Variants in LPAR1 observed in about 807,000 individuals in gnomAD.
LPAR1 encodes LPA receptor 1.
In LPAR1, 5 loss-of-function variants were observed where a neutral mutation model predicts 23.8. That is an observed-to-expected ratio of 0.21 (90% CI 0.11 to 0.44). LPAR1 has a LOEUF of 0.44. Among genes scored for constraint, LPAR1 ranks in the 20% least tolerant of loss-of-function variants. The pLI, the probability that LPAR1 is intolerant of heterozygous loss-of-function variation, is 0.99. For missense variants in LPAR1, 311 were observed against 482.8 expected, an observed-to-expected ratio of 0.64 and a Z score of 3.33; for synonymous variants, 160 against 164.7, an observed-to-expected ratio of 0.97 and a Z score of 0.22.
intron 4 of LPAR1, among the ~76,000 whole-genome samples, chr9:110,967,667 A>T (rs2096269232): frequency 6.6e-6 from 1 of 152,224 alleles, no homozygotes; most frequent in African/African-American, 2.4e-5. Context: ...GCTGCTTATT[A>T]TGCTTGCCTA....
chr9:110,892,753 AGGAAG>A (rs1178649797), intron 5 of LPAR1, among the ~76,000 whole-genome samples: 2 of 138,364 alleles, frequency 1.4e-5, no homozygotes, highest in African/African-American at 5.4e-5. Flanking sequence ...AGAGGGAGGG[AGGAAG>A]GGGAGGAAGG....
At chr9:111,001,111 C>G (rs1683221231) in intron 2 of LPAR1, among the ~76,000 whole-genome samples, 2 of 152,138 alleles carry the variant, frequency 1.3e-5, no homozygotes, top group South Asian at 2.1e-4. Context: ...TCAGGAATAA[C>G]AAGAATCTCA....
chr9:110,890,362 A>T (rs1564378204), intron 5 of LPAR1, among the ~76,000 whole-genome samples: 2 of 152,230 alleles, frequency 1.3e-5, no homozygotes, highest in African/African-American at 4.8e-5. Context: ...TTATCAAACC[A>T]CTAAGGAACA....
chr9:110,995,154 T>A (rs2096972210), intron 2 of LPAR1, among the ~76,000 whole-genome samples: 1 of 152,162 alleles, frequency 6.6e-6, no homozygotes, highest in Admixed American at 6.5e-5. Flanking sequence ...ATTATGAAAT[T>A]TCTTCTGCCT....
intron 2 of LPAR1, among the ~76,000 whole-genome samples, chr9:111,003,824 T>C (rs775497014): frequency 2.6e-5 from 4 of 152,174 alleles, no homozygotes; most frequent in Non-Finnish European, 4.4e-5. Context: ...CCTCCAGCTG[T>C]ATCTCAGATT....
intron 5 of LPAR1, among the ~76,000 whole-genome samples, chr9:110,912,181 A>G (rs1263268312): frequency 6.6e-6 from 1 of 152,240 alleles, no homozygotes; most frequent in Non-Finnish European, 1.5e-5. Context: ...AAGAAAAACA[A>G]CTTCTTTCTA....
At chr9:110,898,534 G>A (rs918725111) in intron 5 of LPAR1, among the ~76,000 whole-genome samples, 24 of 152,138 alleles carry the variant, frequency 1.6e-4, no homozygotes, top group Admixed American at 5.9e-4. Flanking sequence ...TGGGAGAACC[G>A]GATTTAAAAT....
intron 2 of LPAR1, among the ~76,000 whole-genome samples, chr9:110,978,649 G>A (rs2096607962): frequency 6.6e-6 from 1 of 152,136 alleles, no homozygotes; most frequent in South Asian, 2.1e-4. Flanking sequence ...GTTCAGAGCT[G>A]AAGCTTGTCT....
chr9:111,008,335 A>C lies in LPAR1; in HGVS notation c.-182+27787T>G, dbSNP rs1055144820. 6.6e-5 allele frequency among the ~76,000 whole-genome samples: 10 copies of C among 152,196 alleles called. No individual in the cohort carries two copies. In the East Asian group the frequency reaches 1.7e-3, roughly 26 times the overall value. ...ATGTAAAACTGCTGTGTGTGTATGCATACATAAGCACACACCTCCACCTCT... is the reference window on the plus strand; with the variant it reads ...ATGTAAAACTGCTGTGTGTGTATGCCTACATAAGCACACACCTCCACCTCT... On this transcript the variant is annotated intron_variant, in intron 2 of 5. Coordinates refer to ENST00000683809, the MANE Select transcript of LPAR1 (RefSeq NM_001351411.2).
At chr9:110,898,217 A>AT (rs2087172872) in intron 5 of LPAR1, among the ~76,000 whole-genome samples, 1 of 152,206 alleles carries the variant, frequency 6.6e-6, no homozygotes, top group South Asian at 2.1e-4. Context: ...GGACCAAGTT[A>AT]TTTTTTCCAG....
At chr9:110,899,009 G>A (rs2087607072) in intron 5 of LPAR1, among the ~76,000 whole-genome samples, 1 of 152,092 alleles carries the variant, frequency 6.6e-6, no homozygotes, top group African/African-American at 2.4e-5. Context: ...TAGGTTCCTT[G>A]GACAAACATC....
chr9:110,913,444 A>T (rs12341970), intron 5 of LPAR1, among the ~76,000 whole-genome samples: 4,245 of 152,248 alleles, frequency 0.028, 188 homozygotes, highest in African/African-American at 0.096. Flanking sequence ...ACATACACAC[A>T]ATTTGTTTCT....
At chr9:111,031,335 T>C (rs2097789530) in intron 2 of LPAR1, among the ~76,000 whole-genome samples, 1 of 142,098 alleles carries the variant, frequency 7.0e-6, no homozygotes, top group African/African-American at 2.7e-5. Context: ...GGTGAGAGGA[T>C]CCCTTGAGCC....
intron 5 of LPAR1, among the ~76,000 whole-genome samples, chr9:110,934,843 CAG>C (rs56165251): frequency 0.02 from 2,922 of 146,834 alleles, 90 homozygotes; most frequent in African/African-American, 0.068. Context: ...CACACACACA[CAG>C]AGAGTGAGAG....
At chr9:110,980,630 G>C (rs901039472) in intron 2 of LPAR1, among the ~76,000 whole-genome samples, 18 of 151,696 alleles carry the variant, frequency 1.2e-4, no homozygotes, top group African/African-American at 3.9e-4. Flanking sequence ...AAGCCTAGGG[G>C]ACAGGGAGGG....
intron 5 of LPAR1, among the ~76,000 whole-genome samples, chr9:110,933,899 T>C (rs1275460166): frequency 6.6e-6 from 1 of 152,100 alleles, no homozygotes; most frequent in African/African-American, 2.4e-5. Flanking sequence ...TGAGAAAAAA[T>C]ATTTGAATGG....
intron 5 of LPAR1, among the ~76,000 whole-genome samples, chr9:110,922,491 T>A (rs2093696995): frequency 2.0e-5 from 3 of 152,226 alleles, no homozygotes; most frequent in African/African-American, 4.8e-5. Flanking sequence ...GGTGCATACA[T>A]ACCTTAGTAA....
intron 5 of LPAR1, among the ~76,000 whole-genome samples, chr9:110,893,607 A>T (rs751873586): frequency 2.6e-5 from 4 of 152,198 alleles, no homozygotes; most frequent in Non-Finnish European, 5.9e-5. Flanking sequence ...AGTTGCATGG[A>T]CTTTGAATTT....
chr9:111,022,846 C>G (rs1051041979), intron 2 of LPAR1, among the ~76,000 whole-genome samples: 2 of 151,870 alleles, frequency 1.3e-5, no homozygotes, highest in Middle Eastern at 6.8e-3. Flanking sequence ...GTCAGGAGAT[C>G]GAGACCATCC....
Sources: gnomAD v4.1 joint callset for allele counts (sites outside exome capture counted in the v4.1 genomes callset) on GRCh38, gnomAD v4.1.1 for gene constraint, MANE v1.5 for transcripts, NCBI Gene and HGNC (gene_info 2026-07-23, HGNC 2026-07-21) for gene names.